The following WNT7B variants were observed in gnomAD, a reference collection of about 807,000 sequenced individuals.
WNT7B encodes the protein protein Wnt-7b.
Under a neutral mutation model 38.2 loss-of-function variants are expected in WNT7B, and 19 were observed. That is an observed-to-expected ratio of 0.50 (90% confidence interval 0.35 to 0.73). The LOEUF (loss-of-function observed/expected upper bound fraction) is 0.73, where lower values mean the gene tolerates loss of function less well. Among genes scored for constraint, WNT7B ranks in the 30% least tolerant of loss-of-function variants. The pLI is 0.01. For missense variants in WNT7B, 423 were observed against 507.9 expected, an observed-to-expected ratio of 0.83 and a Z score of 1.61; for synonymous variants, 243 against 209.3, an observed-to-expected ratio of 1.16 and a Z score of -1.39.
Position 45,962,555 on chromosome 22 carries a change from C to T in WNT7B, c.72-12409G>A, listed in dbSNP as rs115732833. On this transcript the variant is annotated intron_variant, in intron 1 of 3. Coordinates refer to ENST00000339464, the MANE Select transcript of WNT7B (RefSeq NM_058238.3). ...GTCCACCAGGGTCTCTCTCAGTTCT[C>T]CCCTCTCCACTCCCTGCAGGATCAC... Among the ~76,000 whole-genome samples, 622 of 152,336 alleles carry T rather than the reference C, an allele frequency of 4.1e-3. 3 individuals are homozygous for T. Among genetic ancestry groups the T allele is most frequent in the African/African-American group, 0.014 (576 of 41,578 alleles).
chr22:45,940,800 G>A (rs953662370), intron 2 of WNT7B, among the ~76,000 whole-genome samples: 1 of 152,216 alleles, frequency 6.6e-6, no homozygotes, highest in Admixed American at 6.5e-5. Flanking sequence ...GGATGCTGAA[G>A]GTGGGTCCCA....
intron 3 of WNT7B, among the ~76,000 whole-genome samples, chr22:45,924,143 C>T (rs780655424): frequency 3.3e-5 from 5 of 152,216 alleles, no homozygotes; most frequent in Non-Finnish European, 5.9e-5. Flanking sequence ...AGCTGGCGCC[C>T]CACGGCTGCA....
chr22:45,960,548 T>C (rs940272333), intron 1 of WNT7B, among the ~76,000 whole-genome samples: 11 of 152,328 alleles, frequency 7.2e-5, no homozygotes, highest in Middle Eastern at 3.4e-3. Flanking sequence ...AGCCTGGGCC[T>C]GATCTTCAGC....
At chr22:45,931,873 C>T (rs1391152914) in intron 2 of WNT7B, among the ~76,000 whole-genome samples, 1 of 152,168 alleles carries the variant, frequency 6.6e-6, no homozygotes, top group Non-Finnish European at 1.5e-5. Context: ...GAACCTGGGG[C>T]CACGGGGAGC....
chr22:45,967,666 C>T (rs1172465193), intron 1 of WNT7B, among the ~76,000 whole-genome samples: 1 of 151,798 alleles, frequency 6.6e-6, no homozygotes, highest in Non-Finnish European at 1.5e-5. Flanking sequence ...CATAGGCACC[C>T]ACCTGCCCTG....
rs1932318253 is a variant in WNT7B, at chr22:45,966,625, G to A, written c.71+10059C>T. On this transcript the variant is annotated intron_variant, in intron 1 of 3. Transcript: ENST00000339464. The surrounding 1 kb of genome is among the most constrained non-coding windows in gnomAD (Gnocchi z 4.2). The stretch of plus-strand genomic sequence containing the variant: ...CCAGGCCCAGCTCCAGGCACCTGCA[G>A]GCTTCACACTCTAAAGCTGCAAAGG... Among the ~76,000 whole-genome samples, 1 of 152,208 alleles carries A rather than the reference G, an allele frequency of 6.6e-6. No homozygotes were observed.
intron 1 of WNT7B, among the ~76,000 whole-genome samples, chr22:45,961,187 G>T (rs1932187755): frequency 6.6e-6 from 1 of 152,226 alleles, no homozygotes; most frequent in Non-Finnish European, 1.5e-5. Context: ...TGAATAACAG[G>T]TCTGGGCTCA....
chr22:45,976,932 T>TGCCGCCGCC lies in WNT7B; in HGVS notation c.-187_-179dup. On this transcript the variant is annotated 5_prime_UTR_variant, in exon 1 of 4. Transcript: ENST00000339464. The surrounding 1 kb of genome is among the most constrained non-coding windows in gnomAD (Gnocchi z 8.5). ...CGCTGCCACCATGGTGAGCCCGGGA[T>TGCCGCCGCC]GCCGCCGCCGCCACCGCCGCGTGAG... is the stretch of plus-strand genomic sequence containing the variant. 5.1e-6 allele frequency: 5 copies of TGCCGCCGCC among 989,862 alleles called. No individual in the cohort carries two copies. Among genetic ancestry groups the TGCCGCCGCC allele is most frequent in the Non-Finnish European group, 6.0e-6 (5 of 833,432 alleles). The allele number at this position is 989,862 out of a possible 1,614,324, so 61.3% of individuals were successfully genotyped here. A position where few individuals can be genotyped will look rare whatever the true frequency, so the allele number is the denominator to read the frequency against.
At chr22:45,935,016 AC>A (rs1234797496) in intron 2 of WNT7B, among the ~76,000 whole-genome samples, 1 of 152,082 alleles carries the variant, frequency 6.6e-6, no homozygotes, top group African/African-American at 2.4e-5. Context: ...CATGTTACAG[AC>A]CTAGACGCCC....
intron 1 of WNT7B, chr22:45,972,344 T>C (rs1055383971): frequency 5.1e-6 from 2 of 392,666 alleles, no homozygotes; most frequent in Non-Finnish European, 9.0e-6. Context: ...GCGGCGGCGC[T>C]GGGCGCTAGG....
Position 45,931,146 on chromosome 22 carries a change from C to G in WNT7B, c.522G>C (p.Lys174Asn). The change falls in exon 3 of 4, where the codon AAG becomes AAC. Residue 174 changes from lysine (K) to asparagine (N), a missense_variant. This residue lies in a region of WNT7B where 132 missense variants were observed against 113.4 expected (regional missense o/e 1.16). Transcript: ENST00000339464. The stretch of plus-strand genomic sequence containing the variant: ...GCAGGTTCATGAGGCGCCGCGCGTT[C>G]TTCTTGATCTCCCGAGCGTCCACGA... ...RRFVDAREIK[K>N]NARRLMNLHN... The G allele has an allele frequency of 1.9e-6, 3 of 1,595,114 alleles. No individual in the cohort carries two copies. Among genetic ancestry groups the G allele is most frequent in the Non-Finnish European group, 2.6e-6 (3 of 1,175,432 alleles).
At chr22:45,930,990 A>G (rs1931330604) in intron 3 of WNT7B, 108 bp downstream of exon 3, 1 of 1,416,818 alleles carries the variant, frequency 7.1e-7, no homozygotes, top group Non-Finnish European at 9.3e-7. Flanking sequence ...CTGCACACCT[A>G]CGGAGACTCA....
chr22:45,924,807 G>GCC, intron 3 of WNT7B, among the ~76,000 whole-genome samples: 1 of 149,590 alleles, frequency 6.7e-6, no homozygotes, highest in African/African-American at 2.5e-5. Flanking sequence ...GGCAGGTGCT[G>GCC]GGGGGCCCAA....
In WNT7B at chr22:45,950,350, A is replaced by G. The variant is rs1440650893; in HGVS notation, c.72-204T>C. 8.5e-5 allele frequency among the ~76,000 whole-genome samples: 13 copies of G among 152,204 alleles called. 1 individual carries two copies. Among genetic ancestry groups the G allele is most frequent in the Non-Finnish European group, 1.5e-5 (1 of 68,026 alleles). ...CCAGGAGACCACACCAGTTCACCCC[A>G]ACTCACACGCGTGACCCCAGCCACA... On this transcript the variant is annotated intron_variant, in intron 1 of 3. Coordinates refer to ENST00000339464, the MANE Select transcript of WNT7B (RefSeq NM_058238.3).
chr22:45,932,601 G>A (rs1931402483), intron 2 of WNT7B, among the ~76,000 whole-genome samples: 5 of 152,188 alleles, frequency 3.3e-5, no homozygotes, highest in Admixed American at 3.3e-4. Flanking sequence ...CAGGCCCTGT[G>A]CATCCTTCCA....
chr22:45,925,223 G>A, intron 3 of WNT7B: 1 of 983,310 alleles, frequency 1.0e-6, no homozygotes, highest in Non-Finnish European at 1.2e-6. Context: ...TGGGCGCAAA[G>A]TCTCATCAGG....
chr22:45,939,598 A>G (rs1018008645), intron 2 of WNT7B, among the ~76,000 whole-genome samples: 35 of 151,758 alleles, frequency 2.3e-4, no homozygotes, highest in Admixed American at 1.8e-3. Flanking sequence ...GTTTGAGACC[A>G]GCCTGGGCAA....
chr22:45,961,905 C>T (rs1263918358), intron 1 of WNT7B, among the ~76,000 whole-genome samples: 1 of 152,192 alleles, frequency 6.6e-6, no homozygotes, highest in Non-Finnish European at 1.5e-5. Flanking sequence ...ATAGGGAGAA[C>T]TGGCCTGCTG....
chr22:45,929,112 C>T (rs528183975), intron 3 of WNT7B, among the ~76,000 whole-genome samples: 1 of 152,310 alleles, frequency 6.6e-6, no homozygotes, highest in African/African-American at 2.4e-5. Flanking sequence ...TAAGCAGCTG[C>T]AGAGGCTCGA....
Sources: allele counts gnomAD v4.1 joint callset (sites outside exome capture counted in the v4.1 genomes callset), GRCh38; gene constraint gnomAD v4.1.1; regional missense constraint gnomAD v4.1.1; non-coding constraint Gnocchi (gnomAD v3.1); transcripts MANE v1.5; gene names NCBI Gene and HGNC (gene_info 2026-07-23, HGNC 2026-07-21).